The following KLHL1 variants were observed in gnomAD, a reference collection of about 807,000 sequenced individuals.
The protein encoded by KLHL1 is kelch like family member 1.
A neutral mutation model predicts 77.7 loss-of-function variants in KLHL1; 47 were observed. That is an observed-to-expected ratio of 0.60 (90% CI 0.48 to 0.77). The LOEUF (loss-of-function observed/expected upper bound fraction) is 0.77. Ranked by LOEUF, KLHL1 falls within the 30% of genes least tolerant of loss-of-function variation. The pLI is 0.00. For missense variants in KLHL1, 925 were observed against 910.8 expected (o/e 1.02, Z -0.20); for synonymous variants, 360 against 325.2 (o/e 1.11, Z -1.15).
chr13:70,062,034 A>G (rs1566543221), intron 1 of KLHL1, among the ~76,000 whole-genome samples: 2 of 152,196 alleles, frequency 1.3e-5, no homozygotes, highest in Non-Finnish European at 2.9e-5. Flanking sequence ...GAAGAACACC[A>G]GAATTCATTC....
At chr13:69,723,033 G>A (rs1873140180) in intron 8 of KLHL1, among the ~76,000 whole-genome samples, 1 of 152,066 alleles carries the variant, frequency 6.6e-6, no homozygotes, top group Non-Finnish European at 1.5e-5. Flanking sequence ...TAACATGGAT[G>A]AGCCTGAAGG....
chr13:69,853,324 T>A (rs746877494), intron 5 of KLHL1, among the ~76,000 whole-genome samples: 4 of 151,922 alleles, frequency 2.6e-5, no homozygotes, highest in Non-Finnish European at 5.9e-5. Context: ...ATAAGGGGCT[T>A]TTCCCCCTTT....
intron 7 of KLHL1, among the ~76,000 whole-genome samples, chr13:69,754,201 A>G (rs1339096920): frequency 6.6e-6 from 1 of 152,138 alleles, no homozygotes; most frequent in African/African-American, 2.4e-5. Context: ...TGATAGGATT[A>G]TTAATAAAAT....
chr13:69,834,424 T>C lies in KLHL1; in HGVS notation c.1414+4552A>G, dbSNP rs368337194. 2.6e-5 allele frequency among the ~76,000 whole-genome samples: 4 copies of C among 151,816 alleles called. No individual in the cohort carries two copies. In the East Asian group the frequency reaches 5.8e-4, roughly 22 times the overall value. On this transcript the variant is annotated intron_variant, in intron 6 of 10. Transcript: ENST00000377844. ...TGCTTGAAGGGTCCTATGGGAAGAG[T>C]TGTGTCGGTAACAGCAGTCTTCTAA...
chr13:70,040,265 T>C (rs1486620410), intron 1 of KLHL1, among the ~76,000 whole-genome samples: 1 of 152,102 alleles, frequency 6.6e-6, no homozygotes, highest in African/African-American at 2.4e-5. Flanking sequence ...GATTTCTCCT[T>C]CTAGATGAGA....
At chr13:69,802,859 G>T (rs7987896) in intron 6 of KLHL1, 55,003 of 151,872 alleles carry the variant, frequency 0.36, 10,360 homozygotes, top group African/African-American at 0.46. Context: ...GTGTCTGAGG[G>T]GTTTTGTCTG....
chr13:69,997,189 C>A (rs1350964063), intron 1 of KLHL1, among the ~76,000 whole-genome samples: 4 of 151,150 alleles, frequency 2.6e-5, no homozygotes, highest in South Asian at 2.1e-4. Context: ...CCACTGCACT[C>A]CAGCCTGGGC....
intron 4 of KLHL1, among the ~76,000 whole-genome samples, chr13:69,893,226 A>ATT (rs1175438919): frequency 2.2e-4 from 32 of 142,448 alleles, no homozygotes; most frequent in African/African-American, 4.6e-4. Context: ...AGCTACATAA[A>ATT]TTTTTTTTTT....
chr13:69,768,841 T>C (rs1875434453), intron 7 of KLHL1, among the ~76,000 whole-genome samples: 1 of 152,170 alleles, frequency 6.6e-6, no homozygotes, highest in Admixed American at 6.6e-5. Flanking sequence ...TTTAGGTGCT[T>C]ACAGAAATTG....
At chr13:69,992,031 C>T (rs993102851) in intron 1 of KLHL1, among the ~76,000 whole-genome samples, 2 of 151,962 alleles carry the variant, frequency 1.3e-5, no homozygotes, top group African/African-American at 4.8e-5. Context: ...CCACCTCAGA[C>T]CTAATGAATC....
chr13:69,795,259 T>A lies in KLHL1; in HGVS notation c.1639+1479A>T, dbSNP rs1424318. 1.7e-3 allele frequency among the ~76,000 whole-genome samples: 262 copies of A among 152,184 alleles called. 1 individual carries two copies. Among genetic ancestry groups the A allele is most frequent in the Non-Finnish European group, 2.8e-3 (192 of 68,036 alleles). On this transcript the variant is annotated intron_variant, in intron 7 of 10. Coordinates refer to ENST00000377844, the MANE Select transcript of KLHL1 (RefSeq NM_020866.3). ...CTTTCCTTTTCTCTCTCTTCCCCCA[T>A]CAATCTGTGTATATTTAATTTCTTT...
chr13:69,927,757 T>C (rs116736437), intron 4 of KLHL1, among the ~76,000 whole-genome samples: 1,902 of 152,260 alleles, frequency 0.012, 37 homozygotes, highest in African/African-American at 0.042. Flanking sequence ...CAAAAATTAT[T>C]GGCAAGTATG....
intron 1 of KLHL1, among the ~76,000 whole-genome samples, chr13:70,042,563 G>T (rs1886401938): frequency 6.6e-6 from 1 of 151,974 alleles, no homozygotes; most frequent in South Asian, 2.1e-4. Flanking sequence ...GGTGATGCTG[G>T]TATAAACAAA....
intron 1 of KLHL1, among the ~76,000 whole-genome samples, chr13:70,060,838 CT>C (rs1378614161): frequency 2.5e-5 from 3 of 118,396 alleles, no homozygotes; most frequent in African/African-American, 7.6e-5. Flanking sequence ...AAGAGTGAAA[CT>C]TCGTCTCAAA....
rs113102771 is a variant in KLHL1 at position 69,776,017 on chromosome 13, G to C, written c.1639+20721C>G. On this transcript the variant is annotated intron_variant, in intron 7 of 10. Coordinates refer to ENST00000377844, the MANE Select transcript of KLHL1 (RefSeq NM_020866.3). Reference sequence around the variant, plus strand: ...ATACAAAAAAAAAAACTAGCTTGGCGTGGTGGTGGGTGCTTGTATTCCCAG... The same window carrying C: ...ATACAAAAAAAAAAACTAGCTTGGCCTGGTGGTGGGTGCTTGTATTCCCAG... Among the ~76,000 whole-genome samples, 15 of 151,288 alleles carry C rather than the reference G, an allele frequency of 9.9e-5. 1 individual carries two copies. Among genetic ancestry groups the C allele is most frequent in the African/African-American group, 3.6e-4 (15 of 41,318 alleles).
intron 1 of KLHL1, among the ~76,000 whole-genome samples, chr13:70,095,215 C>T (rs908438582): frequency 2.0e-5 from 3 of 152,042 alleles, no homozygotes; most frequent in Non-Finnish European, 2.9e-5. Flanking sequence ...TTGAGACCCT[C>T]TATAAAAGAG....
intron 1 of KLHL1, among the ~76,000 whole-genome samples, chr13:70,074,896 TATA>T (rs2137422489): frequency 6.6e-6 from 1 of 152,214 alleles, no homozygotes; most frequent in African/African-American, 2.4e-5. Context: ...GACAAATTCC[TATA>T]ATAATTTTAG....
At chr13:70,073,447 T>C (rs1219721439) in intron 1 of KLHL1, among the ~76,000 whole-genome samples, 1 of 151,988 alleles carries the variant, frequency 6.6e-6, no homozygotes, top group Non-Finnish European at 1.5e-5. Context: ...TTAGGAGATA[T>C]ACCTAATGTA....
chr13:70,043,545 T>C (rs1416710301), intron 1 of KLHL1, among the ~76,000 whole-genome samples: 1 of 152,214 alleles, frequency 6.6e-6, no homozygotes, highest in Non-Finnish European at 1.5e-5. Context: ...CTTTCAGTTG[T>C]GGAAGCTCCA....
Sources: gnomAD v4.1 joint callset for allele counts (sites outside exome capture counted in the v4.1 genomes callset) on GRCh38, gnomAD v4.1.1 for gene constraint, MANE v1.5 for transcripts, NCBI Gene and HGNC (gene_info 2026-07-23, HGNC 2026-07-21) for gene names.